The following YKT6 variants were observed in gnomAD, a reference collection of about 807,000 sequenced individuals.
The protein encoded by YKT6 is synaptobrevin homolog YKT6.
YKT6 carries 12 observed loss-of-function variants against 29.3 expected under a neutral mutation model. That is an observed-to-expected ratio of 0.41 (90% CI 0.26 to 0.66). The LOEUF (loss-of-function observed/expected upper bound fraction) is 0.66. Among genes scored for constraint, YKT6 ranks in the 30% least tolerant of loss-of-function variants. YKT6 has a pLI of 0.32. For missense variants in YKT6, 188 were observed against 243.8 expected (o/e 0.77, Z 1.52); for synonymous variants, 86 against 94.3 (o/e 0.91, Z 0.51).
chr7:44,210,415 T>A (rs1025485404), intron 5 of YKT6, among the ~76,000 whole-genome samples: 8 of 152,230 alleles, frequency 5.3e-5, no homozygotes, highest in African/African-American at 1.9e-4. Flanking sequence ...TCACGTGACC[T>A]TCTGTGTGTG....
At chr7:44,204,749 C>T (rs1000647512) in intron 2 of YKT6, 99 bp downstream of exon 2, 2 of 1,060,890 alleles carry the variant, frequency 1.9e-6, no homozygotes, top group South Asian at 2.8e-5. Context: ...GACCCTACTC[C>T]TCCTCTAGCT....
intron 1 of YKT6, among the ~76,000 whole-genome samples, chr7:44,203,610 G>GT (rs2096338066): frequency 6.6e-6 from 1 of 152,112 alleles, no homozygotes; most frequent in Non-Finnish European, 1.5e-5. Context: ...TTTCTGAGGG[G>GT]TTATTTTGAT....
chr7:44,202,884 C>A (rs1393718772), intron 1 of YKT6, among the ~76,000 whole-genome samples: 1 of 152,188 alleles, frequency 6.6e-6, no homozygotes. Flanking sequence ...TTGCTTTTCT[C>A]AGATGGAACT....
Position 44,212,298 on chromosome 7 carries a change from G to A in YKT6, c.*16G>A, listed in dbSNP as rs147371100. 3.1e-6 allele frequency: 5 copies of A among 1,613,536 alleles called. No individual in the cohort carries two copies. The African/African-American group carries it at 5.3e-5, about 17-fold the overall frequency. ...CATCATGTGATGCAGCCTGCCAGAG[G>A]CCCAATGCTGGAATGGCACCATCAT... On this transcript the variant is annotated 3_prime_UTR_variant, in exon 7 of 7. Coordinates refer to ENST00000223369, the MANE Select transcript of YKT6 (RefSeq NM_006555.4).
At chr7:44,211,720 G>A in intron 6 of YKT6, 2 of 638,416 alleles carry the variant, frequency 3.1e-6, no homozygotes, top group Non-Finnish European at 3.9e-6. Context: ...GCACATTGGA[G>A]GGAGATGGCT....
Position 44,210,012 on chromosome 7 carries a change from A to G in YKT6, c.460-1011A>G, listed in dbSNP as rs757555199. On this transcript the variant is annotated intron_variant, in intron 5 of 6. Coordinates refer to ENST00000223369, the MANE Select transcript of YKT6 (RefSeq NM_006555.4). ...AAAATAGGTAGAATTTAATTTAATTATATATTTTACTTAACGCAGTATATC... is the reference window on the plus strand; with the variant it reads ...AAAATAGGTAGAATTTAATTTAATTGTATATTTTACTTAACGCAGTATATC... 3.3e-5 allele frequency among the ~76,000 whole-genome samples: 5 copies of G among 152,380 alleles called. No homozygotes were observed. The South Asian group carries it at 6.2e-4, about 19-fold the overall frequency.
Position 44,208,469 on chromosome 7 carries a change from G to A in YKT6, c.459+271G>A, listed in dbSNP as rs112841131. The A allele has an allele frequency of 5.8e-3, 2,455 of 423,586 alleles. 19 individuals are homozygous for A. The highest frequency in any genetic ancestry group is 0.013 in the South Asian group (533 of 40,310). The allele number at this position is 423,586 out of a possible 1,614,324, so 26.2% of individuals were successfully genotyped here. A position where few individuals can be genotyped will look rare whatever the true frequency, so the allele number is the denominator to read the frequency against. ...CCTTCCTCATGGCTACTGCCTGTCTGACCATTTACTGGGTTCCTAGGGTTT... is the reference window on the plus strand; with the variant it reads ...CCTTCCTCATGGCTACTGCCTGTCTAACCATTTACTGGGTTCCTAGGGTTT... On this transcript the variant is annotated intron_variant, in intron 5 of 6. Coordinates refer to ENST00000223369, the MANE Select transcript of YKT6 (RefSeq NM_006555.4).
rs370775014 is a variant in YKT6 at position 44,201,186 on chromosome 7, G to A, written c.51G>A (p.Val17=). ...TCTACAAAGGCGAGGCCAAGGTGGT[G>A]CTGCTCAAAGCCGCATACGATGTGT... The part of the protein sequence containing the change: ...SVLYKGEAKV[V]LLKAAYDVSS... The change falls in exon 1 of 7, where the codon GTG becomes GTA. Residue 17 remains valine (V), a synonymous_variant. Coordinates refer to ENST00000223369, the MANE Select transcript of YKT6 (RefSeq NM_006555.4). 1.6e-5 allele frequency: 25 copies of A among 1,612,776 alleles called. No homozygotes were observed. The African/African-American group carries it at 1.7e-4, about 11-fold the overall frequency.
rs776611788 is a variant in YKT6 at position 44,212,326 on chromosome 7, A to G, written c.*44A>G. ...CAATGCTGGAATGGCACCATCATTC[A>G]CATCAGAACTGCAGCCCCTGGAAAA... On this transcript the variant is annotated 3_prime_UTR_variant, in exon 7 of 7. Transcript: ENST00000223369. The G allele has an allele frequency of 1.2e-6, 2 of 1,606,794 alleles. No homozygotes were observed. The highest frequency in any genetic ancestry group is 2.2e-5 in the East Asian group (1 of 44,728).
intron 4 of YKT6, 41 bp from the exon 5 acceptor site, chr7:44,208,092 C>T: frequency 1.2e-6 from 2 of 1,600,782 alleles, no homozygotes; most frequent in Non-Finnish European, 1.7e-6. Flanking sequence ...TTGCAGGTAG[C>T]CACTCCAGTC....
intron 5 of YKT6, 102 bp downstream of exon 5, chr7:44,208,300 C>G: frequency 7.8e-7 from 1 of 1,287,830 alleles, no homozygotes. Flanking sequence ...ATAATAGTAA[C>G]CACGGCACTC....
chr7:44,211,314 G>A (rs1405158530), intron 6 of YKT6, among the ~76,000 whole-genome samples, 190 bp downstream of exon 6: 3 of 152,192 alleles, frequency 2.0e-5, no homozygotes, highest in African/African-American at 7.2e-5. Context: ...TCACTTGGGC[G>A]CCGTTGGAGT....
chr7:44,212,368 A>G lies in YKT6; in HGVS notation c.*86A>G. The G allele has an allele frequency of 6.4e-7, 1 of 1,556,582 alleles. No homozygotes were observed. Among genetic ancestry groups the G allele is most frequent in the Non-Finnish European group, 8.8e-7 (1 of 1,137,298 alleles). On this transcript the variant is annotated 3_prime_UTR_variant, in exon 7 of 7. Transcript: ENST00000223369. ...CCTGGAAAAGAAGAGACAGCCATAG[A>G]CGAGGAGCCAGAGTGGGGGCAGACT...
chr7:44,207,461 C>T lies in YKT6; in HGVS notation c.362C>T (p.Pro121Leu), dbSNP rs2096341973. The change falls in exon 4 of 7, where the codon CCA (proline) becomes CTA (leucine). Residue 121 changes from proline to leucine, a missense_variant. By Grantham distance (98) the Pro-to-Leu change is moderately conservative. Coordinates refer to ENST00000223369, the MANE Select transcript of YKT6 (RefSeq NM_006555.4). The part of the protein sequence containing the change: ...PVGSPATIHY[P>L]ALDGHLSRYQ... ...GGATCCCCTGCTACAATCCATTACC[C>T]AGCCCTGGATGGTCACCTCAGTAGA... 6.2e-7 allele frequency: 1 copy of T among 1,614,028 alleles called. No homozygotes were observed. Among genetic ancestry groups the T allele is most frequent in the African/African-American group, 1.3e-5 (1 of 74,932 alleles).
Position 44,212,337 on chromosome 7 carries a change from G to A in YKT6, c.*55G>A. 2 of 1,595,808 alleles carry A rather than the reference G, an allele frequency of 1.3e-6. No individual in the cohort carries two copies. Among genetic ancestry groups the A allele is most frequent in the Admixed American group, 1.7e-5 (1 of 59,528 alleles). ...TGGCACCATCATTCACATCAGAACT[G>A]CAGCCCCTGGAAAAGAAGAGACAGC... On this transcript the variant is annotated 3_prime_UTR_variant, in exon 7 of 7. Coordinates refer to ENST00000223369, the MANE Select transcript of YKT6 (RefSeq NM_006555.4).
In YKT6 at chr7:44,204,591, C is replaced by T. The variant is rs753008649; in HGVS notation, c.128C>T (p.Thr43Met). 13 of 1,614,084 alleles carry T rather than the reference C, an allele frequency of 8.1e-6. No homozygotes were observed. Among genetic ancestry groups the T allele is most frequent in the South Asian group, 1.1e-5 (1 of 91,086 alleles). The change falls in exon 2 of 7, where the codon ACG becomes ATG. Residue 43 changes from threonine to methionine, a missense_variant. Thr to Met is a moderately conservative substitution (Grantham distance 81). Around this residue, in one of 3 missense-constraint regions of YKT6, gnomAD observed 71 missense variants for 67.3 expected, o/e 1.05. Transcript: ENST00000223369. ...AGCGTTCAGGAATTCATGACCTTCA[C>T]GAGTCAACTGATTGTGGAGCGCTCA... ...RSSVQEFMTFTSQLIVERSSK... is the reference protein window; with the variant it reads ...RSSVQEFMTFMSQLIVERSSK...
At position 44,201,333 on chromosome 7, in the gene YKT6, G is replaced by A. The variant is rs190915097; in HGVS notation, c.104+94G>A. ...GTGGGCCTGGGGTCGGCGGAGGGAT[G>A]AGGGGAGGGTGGAGGAGGCCAAGGG... On this transcript the variant is annotated intron_variant, in intron 1 of 6. Coordinates refer to ENST00000223369, the MANE Select transcript of YKT6 (RefSeq NM_006555.4). 466 of 945,786 alleles carry A rather than the reference G, an allele frequency of 4.9e-4. 10 individuals are homozygous for A. In the East Asian group the frequency reaches 0.011, roughly 23 times the overall value. The allele number at this position is 945,786 out of a possible 1,614,324, so 58.6% of individuals were successfully genotyped here. A position where few individuals can be genotyped will look rare whatever the true frequency, so the allele number is the denominator to read the frequency against.
At chr7:44,212,201 T>TA (rs750003534) in intron 6 of YKT6, 46 bp from the exon 7 acceptor site, 133 of 1,613,448 alleles carry the variant, frequency 8.2e-5, no homozygotes, top group Non-Finnish European at 1.1e-4. Context: ...GGGCTTCCCT[T>TA]ACTTCGTCAG....
rs554542093 is a variant in YKT6, at chr7:44,206,609, T to C, written c.288+124T>C. 3.3e-6 allele frequency: 3 copies of C among 896,314 alleles called. No homozygotes were observed. The South Asian group carries it at 4.4e-5, about 13-fold the overall frequency. 55.5% of individuals were successfully genotyped at this position (896,314 alleles called of 1,614,324 possible). A position where few individuals can be genotyped will look rare whatever the true frequency, so the allele number is the denominator to read the frequency against. ...AAATGATGTGTCCAAAGTCAACACA[T>C]TTTTCAGCCCCCTTCCCTGCAACCC... On this transcript the variant is annotated intron_variant, in intron 3 of 6. Transcript: ENST00000223369.
Sources: gnomAD v4.1 joint callset for allele counts (sites outside exome capture counted in the v4.1 genomes callset) on GRCh38, gnomAD v4.1.1 for gene constraint, gnomAD v4.1.1 regional missense constraint, MANE v1.5 for transcripts, NCBI Gene and HGNC (gene_info 2026-07-23, HGNC 2026-07-21) for gene names.